MTHFD2L: variants seen among roughly 807,000 people sequenced by gnomAD.
The protein encoded by MTHFD2L is methylenetetrahydrofolate dehydrogenase (NADP+ dependent) 2 like.
In MTHFD2L, 29 loss-of-function variants were observed where a neutral mutation model predicts 34.9. The ratio of observed to expected loss-of-function variants is 0.83; its 90% CI spans 0.62 to 1.13. MTHFD2L has a LOEUF of 1.13. Ranked by LOEUF, MTHFD2L falls within the 50% of genes most tolerant of loss-of-function variation. The probability of loss-of-function intolerance (pLI) is 0.00; values close to 1 mark genes in which losing one functional copy is unlikely to be tolerated. For missense variants in MTHFD2L, 481 were observed against 446.5 expected, an observed-to-expected ratio of 1.08 and a Z score of -0.70; for synonymous variants, 167 against 155.7, an observed-to-expected ratio of 1.07 and a Z score of -0.54.
At chr4:74,215,008 G>A (rs1202631638) in intron 5 of MTHFD2L, among the ~76,000 whole-genome samples, 1 of 151,728 alleles carries the variant, frequency 6.6e-6, no homozygotes, top group Non-Finnish European at 1.5e-5. Flanking sequence ...GGGGAAAACT[G>A]CCTACTCAAG....
At chr4:74,200,500 A>T (rs923527745) in intron 4 of MTHFD2L, among the ~76,000 whole-genome samples, 1 of 152,160 alleles carries the variant, frequency 6.6e-6, no homozygotes, top group Non-Finnish European at 1.5e-5. Context: ...TTTCTAAAAT[A>T]TATTTTTCTG....
chr4:74,162,097 A>G (rs1725581359), intron 1 of MTHFD2L: 1 of 152,230 alleles, frequency 6.6e-6, no homozygotes, highest in African/African-American at 2.4e-5. Context: ...CTAAATTAAC[A>G]GTAGTGTTAA....
chr4:74,116,178 T>A (rs1404810424), intron 2 of MTHFD2L, among the ~76,000 whole-genome samples: 1 of 152,226 alleles, frequency 6.6e-6, no homozygotes, highest in Non-Finnish European at 1.5e-5. Context: ...TTAGGACACA[T>A]TCTGATTTCT....
upstream of MTHFD2L, among the ~76,000 whole-genome samples, chr4:74,124,141 C>T (rs1721910500): frequency 6.6e-6 from 1 of 152,020 alleles, no homozygotes; most frequent in Non-Finnish European, 1.5e-5. Context: ...AAGGCTTAGA[C>T]AGTAATCATT....
chr4:74,136,892 G>A (rs1722975494), intron 1 of MTHFD2L, among the ~76,000 whole-genome samples: 1 of 152,140 alleles, frequency 6.6e-6, no homozygotes, highest in African/African-American at 2.4e-5. Context: ...TCAATAGGTG[G>A]TGCTGAGAAA....
chr4:74,124,911 G>C (rs1213318075), upstream of MTHFD2L, among the ~76,000 whole-genome samples: 3 of 152,026 alleles, frequency 2.0e-5, no homozygotes, highest in East Asian at 5.8e-4. Context: ...AGACTGTTTA[G>C]GTGCTGAGAG....
intron 6 of MTHFD2L, among the ~76,000 whole-genome samples, chr4:74,255,017 C>T (rs1338015167): frequency 1.3e-5 from 2 of 151,328 alleles, no homozygotes; most frequent in Non-Finnish European, 2.9e-5. Context: ...TGCCTGTAAT[C>T]CCAGCTACTC....
chr4:74,222,191 C>T (rs1305056756), intron 5 of MTHFD2L, among the ~76,000 whole-genome samples: 1 of 152,022 alleles, frequency 6.6e-6, no homozygotes, highest in African/African-American at 2.4e-5. Flanking sequence ...GTTATTTCTG[C>T]ATAGTAAAAG....
At chr4:74,149,344 T>A (rs1723789186) in intron 1 of MTHFD2L, among the ~76,000 whole-genome samples, 2 of 151,832 alleles carry the variant, frequency 1.3e-5, no homozygotes, top group Non-Finnish European at 2.9e-5. Flanking sequence ...TAATACAAAC[T>A]CAGACATCTG....
chr4:74,157,513 T>C (rs1724377464), upstream of MTHFD2L: 1 of 383,824 alleles, frequency 2.6e-6, no homozygotes, highest in Non-Finnish European at 5.2e-6. Context: ...GACTTGATCA[T>C]AACTCAGGAA....
At chr4:74,280,799 A>G (rs1157024695) in intron 6 of MTHFD2L, among the ~76,000 whole-genome samples, 2 of 152,072 alleles carry the variant, frequency 1.3e-5, no homozygotes, top group African/African-American at 4.8e-5. Context: ...ACCTTTCAGA[A>G]TCATATACGG....
At position 74,281,196 on chromosome 4, in the gene MTHFD2L, G is replaced by T. The variant is rs115747669; in HGVS notation, c.806-229G>T. 1.2e-3 allele frequency among the ~76,000 whole-genome samples: 186 copies of T among 152,236 alleles called. 2 individuals are homozygous for T. Among genetic ancestry groups the T allele is most frequent in the African/African-American group, 4.0e-3 (167 of 41,556 alleles). On this transcript the variant is annotated intron_variant, in intron 6 of 7. Coordinates refer to ENST00000325278, the MANE Select transcript of MTHFD2L (RefSeq NM_001144978.3). ...TGATGTCAGGTGAGCCATCTCTGAA[G>T]TGAGAGGCTAGCTCCTGCAGGATTT...
chr4:74,249,551 A>G (rs1743011627), intron 6 of MTHFD2L, among the ~76,000 whole-genome samples: 1 of 151,736 alleles, frequency 6.6e-6, no homozygotes, highest in South Asian at 2.1e-4. Context: ...TTTGCTCGTT[A>G]GTTGATGCAG....
chr4:74,172,160 G>C (rs1198537261), intron 1 of MTHFD2L, among the ~76,000 whole-genome samples: 1 of 152,154 alleles, frequency 6.6e-6, no homozygotes, highest in Non-Finnish European at 1.5e-5. Flanking sequence ...GCCTGGAATG[G>C]TGAATTGAGG....
In MTHFD2L at chr4:74,190,493, A is replaced by G. The variant is rs138469342; in HGVS notation, c.452-9301A>G. On this transcript the variant is annotated intron_variant, in intron 3 of 7. Coordinates refer to ENST00000325278, the MANE Select transcript of MTHFD2L (RefSeq NM_001144978.3). ...GAGGCTCAGAAGGGTGGAGAACCAGACCCACCTTTTTCCGGCCTAGAGAAC... is the reference window on the plus strand; with the variant it reads ...GAGGCTCAGAAGGGTGGAGAACCAGGCCCACCTTTTTCCGGCCTAGAGAAC... 1.0e-5 allele frequency: 10 copies of G among 985,364 alleles called. No homozygotes were observed. In the East Asian group the frequency reaches 1.1e-3, roughly 112 times the overall value. The allele number at this position is 985,364 out of a possible 1,614,324, so 61.0% of individuals were successfully genotyped here. A position where few individuals can be genotyped will look rare whatever the true frequency, so the allele number is the denominator to read the frequency against.
chr4:74,183,360 A>G (rs1344442277), intron 3 of MTHFD2L: 2 of 152,182 alleles, frequency 1.3e-5, no homozygotes, highest in African/African-American at 4.8e-5. Context: ...TAGCAGACCT[A>G]TGATCTAAGA....
intron 1 of MTHFD2L, among the ~76,000 whole-genome samples, chr4:74,169,330 C>T (rs945797259): frequency 3.9e-5 from 6 of 152,166 alleles, no homozygotes; most frequent in South Asian, 2.1e-4. Context: ...CTCTGACAAT[C>T]TCCAGGTCAC....
chr4:74,139,822 T>C (rs1578244342), intron 1 of MTHFD2L, among the ~76,000 whole-genome samples: 1 of 152,244 alleles, frequency 6.6e-6, no homozygotes, highest in South Asian at 2.1e-4. Flanking sequence ...TCTCTTTTCA[T>C]GTCTTTTTCA....
At chr4:74,153,457 TG>T (rs1299106472), upstream of MTHFD2L, among the ~76,000 whole-genome samples, 1 of 152,204 alleles carries the variant, frequency 6.6e-6, no homozygotes, top group African/African-American at 2.4e-5. Flanking sequence ...AAAATAATCA[TG>T]GGAGAAAGTT....
Sources: gnomAD v4.1 joint callset for allele counts (sites outside exome capture counted in the v4.1 genomes callset) on GRCh38, gnomAD v4.1.1 for gene constraint, MANE v1.5 for transcripts, NCBI Gene and HGNC (gene_info 2026-07-23, HGNC 2026-07-21) for gene names.